The following ZNF438 variants were observed in gnomAD, a reference collection of about 807,000 sequenced individuals.
ZNF438 encodes zinc finger protein 438.
In ZNF438, 25 loss-of-function variants were observed where a neutral mutation model predicts 38.0. The ratio of observed to expected loss-of-function variants is 0.66; its 90% CI spans 0.48 to 0.92. The LOEUF (loss-of-function observed/expected upper bound fraction) is 0.92, where lower values mean the gene tolerates loss of function less well. Ranked by LOEUF, ZNF438 falls within the 40% of genes least tolerant of loss-of-function variation. The probability of loss-of-function intolerance (pLI) is 0.00; values close to 1 mark genes in which losing one functional copy is unlikely to be tolerated. For missense variants in ZNF438, 1,007 were observed against 999.6 expected (o/e 1.01, Z -0.10); for synonymous variants, 372 against 364.1 (o/e 1.02, Z -0.25).
chr10:30,901,296 G>C (rs1370187278), intron 3 of ZNF438, among the ~76,000 whole-genome samples: 1 of 152,220 alleles, frequency 6.6e-6, no homozygotes, highest in Non-Finnish European at 1.5e-5. Flanking sequence ...TTTCAGTGTA[G>C]CATTAAGTTG....
chr10:30,946,353 T>G (rs1039997664), intron 1 of ZNF438, among the ~76,000 whole-genome samples: 4 of 152,098 alleles, frequency 2.6e-5, no homozygotes, highest in African/African-American at 9.7e-5. Context: ...TGGGATCTAA[T>G]TAAACTAAAC....
intron 1 of ZNF438, among the ~76,000 whole-genome samples, chr10:30,965,186 T>C (rs922979565): frequency 6.6e-6 from 1 of 151,886 alleles, no homozygotes; most frequent in Non-Finnish European, 1.5e-5. Context: ...TATGAAAAAA[T>C]GTTTAACATC....
At chr10:30,847,028 G>C (rs934057571) in intron 5 of ZNF438, among the ~76,000 whole-genome samples, 1 of 152,214 alleles carries the variant, frequency 6.6e-6, no homozygotes, top group Non-Finnish European at 1.5e-5. Flanking sequence ...CTGAGGAAGG[G>C]GTGCTCAGGA....
At chr10:30,909,520 T>G (rs1008409954) in intron 2 of ZNF438, among the ~76,000 whole-genome samples, 8 of 152,198 alleles carry the variant, frequency 5.3e-5, no homozygotes, top group African/African-American at 1.7e-4. Flanking sequence ...CCAGAAATAA[T>G]AAATCTCAGG....
At chr10:31,016,434 A>T (rs926703658) in intron 1 of ZNF438, among the ~76,000 whole-genome samples, 2 of 152,264 alleles carry the variant, frequency 1.3e-5, no homozygotes, top group African/African-American at 4.8e-5. Context: ...ACTAGGATAT[A>T]AGCTAAACTC....
chr10:30,972,458 C>T (rs983850457), intron 1 of ZNF438, among the ~76,000 whole-genome samples: 2 of 152,160 alleles, frequency 1.3e-5, no homozygotes, highest in South Asian at 2.1e-4. Context: ...ATAACTTTGA[C>T]TTTTGCAACG....
At position 30,864,946 on chromosome 10, in the gene ZNF438, C is replaced by T. The variant is rs554142486; in HGVS notation, c.37+12052G>A. On this transcript the variant is annotated intron_variant, in intron 4 of 5. Coordinates refer to ENST00000413025, the Ensembl canonical transcript of ZNF438. ...AATTCTTGGTATTAACACCTCCAGT[C>T]CATAGATGTGAAAACAACACTTCTT... Among the ~76,000 whole-genome samples the T allele has an allele frequency of 7.2e-5, 11 of 152,306 alleles. No homozygotes were observed. The East Asian group carries it at 1.9e-3, about 27-fold the overall frequency.
At chr10:30,901,637 C>G (rs530105241) in intron 3 of ZNF438, among the ~76,000 whole-genome samples, 1 of 152,056 alleles carries the variant, frequency 6.6e-6, no homozygotes, top group East Asian at 1.9e-4. Flanking sequence ...GCAATTGTCT[C>G]GTCGCTTGGC....
At chr10:30,979,338 C>A (rs1230752725) in intron 1 of ZNF438, among the ~76,000 whole-genome samples, 2 of 152,126 alleles carry the variant, frequency 1.3e-5, no homozygotes, top group Non-Finnish European at 2.9e-5. Flanking sequence ...CCATACTGCC[C>A]AAAGTAATTT....
intron 1 of ZNF438, among the ~76,000 whole-genome samples, chr10:30,972,417 ATATTTT>A (rs1165960052): frequency 2.0e-5 from 3 of 152,304 alleles, no homozygotes; most frequent in African/African-American, 7.2e-5. Flanking sequence ...GACAGTTTTT[ATATTTT>A]TAACTTTTCT....
chr10:30,914,909 C>T (rs755773800), intron 2 of ZNF438, among the ~76,000 whole-genome samples: 1 of 151,550 alleles, frequency 6.6e-6, no homozygotes, highest in African/African-American at 2.4e-5. Flanking sequence ...TATTTATGAC[C>T]TAAGAAGAAA....
chr10:30,848,381 T>C, intron 5 of ZNF438, 150 bp downstream of exon 6: 1 of 910,862 alleles, frequency 1.1e-6, no homozygotes, highest in Non-Finnish European at 1.6e-6. Context: ...AAGATCATTC[T>C]TCACAGATCT....
chr10:30,880,097 A>G (rs2039011056), intron 3 of ZNF438, among the ~76,000 whole-genome samples: 1 of 152,166 alleles, frequency 6.6e-6, no homozygotes, highest in South Asian at 2.1e-4. Flanking sequence ...ATAAAGGAAC[A>G]ATGATAAGGA....
chr10:30,964,335 C>T (rs563648406), intron 1 of ZNF438, among the ~76,000 whole-genome samples: 2 of 152,312 alleles, frequency 1.3e-5, no homozygotes, highest in Admixed American at 1.3e-4. Flanking sequence ...AAAATGATTT[C>T]TCCTTCCTCA....
chr10:31,001,142 T>A (rs2054616248), intron 1 of ZNF438, among the ~76,000 whole-genome samples: 1 of 152,230 alleles, frequency 6.6e-6, no homozygotes, highest in African/African-American at 2.4e-5. Flanking sequence ...GATGTCTGTC[T>A]TTCCTGTCAG....
rs111376536 is a variant in ZNF438 at position 30,912,329 on chromosome 10, T to C, written c.-114-3314A>G. On this transcript the variant is annotated intron_variant, in intron 2 of 5. Transcript: ENST00000413025. Reference sequence around the variant, plus strand: ...GGACATGTTAGCAGTAAAACCACCATTGTTCATTATCTCCTTAACATCCCC... The same window carrying C: ...GGACATGTTAGCAGTAAAACCACCACTGTTCATTATCTCCTTAACATCCCC... 3.1e-4 allele frequency among the ~76,000 whole-genome samples: 47 copies of C among 152,214 alleles called. No homozygotes were observed. The South Asian group carries it at 7.5e-3, about 24-fold the overall frequency.
chr10:30,859,619 A>T (rs1219882970), intron 4 of ZNF438, among the ~76,000 whole-genome samples: 1 of 152,184 alleles, frequency 6.6e-6, no homozygotes. Flanking sequence ...TCTGTGCCTA[A>T]ATGTTAGGAT....
intron 2 of ZNF438, among the ~76,000 whole-genome samples, chr10:30,935,999 AAACT>A (rs2046215555): frequency 6.6e-6 from 1 of 152,204 alleles, no homozygotes; most frequent in African/African-American, 2.4e-5. Flanking sequence ...ACAAACATCC[AAACT>A]ATAGAAGAGG....
intron 1 of ZNF438, among the ~76,000 whole-genome samples, chr10:31,022,284 C>A (rs61845215): frequency 6.6e-6 from 1 of 150,654 alleles, no homozygotes. Flanking sequence ...TTTTTTGAGA[C>A]GGAGTCTCAC....
Sources: allele counts gnomAD v4.1 joint callset (sites outside exome capture counted in the v4.1 genomes callset), GRCh38; gene constraint gnomAD v4.1.1; transcripts MANE v1.5; gene names NCBI Gene and HGNC (gene_info 2026-07-23, HGNC 2026-07-21).